The following FAM47E variants were observed in gnomAD, a reference collection of about 807,000 sequenced individuals.
FAM47E encodes the protein family with sequence similarity 47 member E, also known as protein FAM47E.
Under a neutral mutation model 41.6 loss-of-function variants are expected in FAM47E, and 32 were observed. The observed-to-expected ratio is 0.77, with a 90% confidence interval of 0.58 to 1.03. The LOEUF is 1.03. FAM47E is among the 50% of genes least tolerant of loss of function. The pLI, the probability that FAM47E is intolerant of heterozygous loss-of-function variation, is 0.00. For missense variants in FAM47E, 424 were observed against 485.4 expected (o/e 0.87, Z 1.19); for synonymous variants, 184 against 188.7 (o/e 0.98, Z 0.20).
chr4:76,215,526 G>A (rs969889332), intron 1 of FAM47E, among the ~76,000 whole-genome samples: 2 of 152,196 alleles, frequency 1.3e-5, no homozygotes, highest in Non-Finnish European at 2.9e-5. Flanking sequence ...TACTCCTTTC[G>A]TTGAGAGGTG....
intron 2 of FAM47E, among the ~76,000 whole-genome samples, chr4:76,262,528 T>TTTA (rs1175086021): frequency 1.3e-5 from 2 of 152,208 alleles, no homozygotes; most frequent in African/African-American, 4.8e-5. Context: ...GTGTAAAGAC[T>TTTA]TTTATAGAGC....
At chr4:76,275,907 T>G (rs1202540864) in intron 5 of FAM47E, among the ~76,000 whole-genome samples, 1 of 152,138 alleles carries the variant, frequency 6.6e-6, no homozygotes, top group East Asian at 1.9e-4. Flanking sequence ...CAGGGATATT[T>G]GGCAATATCT....
chr4:76,278,180 CA>C lies in FAM47E; in HGVS notation c.983del (p.His328LeufsTer33). On this transcript the variant is annotated frameshift_variant, in exon 6 of 8. Transcript: ENST00000424749. LOFTEE classifies it high-confidence loss of function. ...DEPLVDPEVS[H>X]KAQEENFKKE... ...GCCTCTGGTTGACCCTGAGGTCTCACATAAGGCTCAAGAGGAGAATTTTAAA... is the reference window on the plus strand; with the variant it reads ...GCCTCTGGTTGACCCTGAGGTCTCACTAAGGCTCAAGAGGAGAATTTTAAA... 6.5e-7 allele frequency: 1 copy of C among 1,548,138 alleles called. No homozygotes were observed. Among genetic ancestry groups the C allele is most frequent in the Non-Finnish European group, 8.7e-7 (1 of 1,146,164 alleles).
At position 76,236,065 on chromosome 4, in the gene FAM47E, T is replaced by G. The variant is rs72858548; in HGVS notation, c.81+18377T>G. On this transcript the variant is annotated intron_variant, in intron 2 of 7. Coordinates refer to the FAM47E transcript ENST00000510197. ...ACCAGAGCAAAGTATAACAACTGGT[T>G]TGAATTTTTTACATATCAAAAGTGG... Among the ~76,000 whole-genome samples, 1,444 of 152,326 alleles carry G rather than the reference T, an allele frequency of 9.5e-3. 24 individuals are homozygous for G. Among genetic ancestry groups the G allele is most frequent in the African/African-American group, 0.033 (1,373 of 41,570 alleles).
chr4:76,231,782 A>G (rs1398616513), intron 2 of FAM47E, among the ~76,000 whole-genome samples: 1 of 152,160 alleles, frequency 6.6e-6, no homozygotes, highest in Non-Finnish European at 1.5e-5. Context: ...TCCAAGATAA[A>G]CTTGGAGTTC....
intron 2 of FAM47E, among the ~76,000 whole-genome samples, chr4:76,233,230 G>A (rs1436964159): frequency 2.0e-5 from 3 of 152,016 alleles, no homozygotes; most frequent in Non-Finnish European, 4.4e-5. Flanking sequence ...GCTAACTGCA[G>A]CCAAGTTTTG....
intron 1 of FAM47E, among the ~76,000 whole-genome samples, chr4:76,215,484 T>A (rs1733189177): frequency 6.6e-6 from 1 of 152,232 alleles, no homozygotes; most frequent in Admixed American, 6.5e-5. Context: ...TGAGATAGCA[T>A]GATGGTTTAA....
chr4:76,270,043 A>G (rs1578794860), intron 4 of FAM47E, among the ~76,000 whole-genome samples: 1 of 152,196 alleles, frequency 6.6e-6, no homozygotes, highest in East Asian at 1.9e-4. Flanking sequence ...TTCATTGGCA[A>G]GTGACTTAAA....
intron 2 of FAM47E, among the ~76,000 whole-genome samples, chr4:76,226,184 C>T (rs1300599752): frequency 3.9e-5 from 6 of 152,022 alleles, no homozygotes; most frequent in Non-Finnish European, 7.4e-5. Flanking sequence ...ATGGAGGCTG[C>T]GAAGGCCCTG....
intron 5 of FAM47E, among the ~76,000 whole-genome samples, chr4:76,273,320 G>A (rs768981): frequency 0.67 from 102,018 of 152,060 alleles, 34,499 homozygotes; most frequent in Middle Eastern, 0.73. Context: ...ACTTCAGACC[G>A]TGGTTGACCA....
Position 76,240,774 on chromosome 4 carries a change from T to C in FAM47E, c.82-22930T>C, listed in dbSNP as rs561665108. ...GGTTTCTTTTTAGGTTTTCTCTCTC[T>C]TTATTGATATTTCCATTATGTTCAT... is the stretch of plus-strand genomic sequence containing the variant. On this transcript the variant is annotated intron_variant, in intron 2 of 7. Coordinates refer to the FAM47E transcript ENST00000510197. Among the ~76,000 whole-genome samples, 396 of 152,276 alleles carry C rather than the reference T, an allele frequency of 2.6e-3. 2 individuals are homozygous for C. The highest frequency in any genetic ancestry group is 9.4e-3 in the African/African-American group (391 of 41,568).
chr4:76,276,037 G>GAC (rs796893693), intron 5 of FAM47E, among the ~76,000 whole-genome samples: 3,196 of 62,328 alleles, frequency 0.051, 60 homozygotes, highest in African/African-American at 0.14. Flanking sequence ...CAGACAGACA[G>GAC]ACACACACAC....
At chr4:76,246,968 T>C (rs1237872146), upstream of FAM47E, among the ~76,000 whole-genome samples, 1 of 152,196 alleles carries the variant, frequency 6.6e-6, no homozygotes, top group African/African-American at 2.4e-5. Flanking sequence ...ATGAAATTTG[T>C]AACTTTAACC....
At chr4:76,282,435 C>T (rs1193263203) in intron 7 of FAM47E, 1 of 152,214 alleles carries the variant, frequency 6.6e-6, no homozygotes, top group Admixed American at 6.5e-5. Flanking sequence ...GAGCTATGAA[C>T]ATCTGCTTTT....
At chr4:76,226,219 C>T (rs1733395801) in intron 2 of FAM47E, among the ~76,000 whole-genome samples, 1 of 152,084 alleles carries the variant, frequency 6.6e-6, no homozygotes, top group Admixed American at 6.5e-5. Context: ...ATACTATTTA[C>T]TGGTAATCAA....
chr4:76,216,529 CCTT>C (rs1733210924), intron 1 of FAM47E, among the ~76,000 whole-genome samples: 2 of 152,116 alleles, frequency 1.3e-5, no homozygotes, highest in South Asian at 2.1e-4. Context: ...CATTGAGGTC[CCTT>C]CTTCTCTCTT....
At chr4:76,264,102 G>C (rs1734531403) in intron 3 of FAM47E, among the ~76,000 whole-genome samples, 1 of 152,162 alleles carries the variant, frequency 6.6e-6, no homozygotes. Flanking sequence ...TGCTTGAGGG[G>C]TAGAAACAGT....
At chr4:76,240,427 T>C (rs1294847858) in intron 2 of FAM47E, among the ~76,000 whole-genome samples, 1 of 152,216 alleles carries the variant, frequency 6.6e-6, no homozygotes, top group Admixed American at 6.5e-5. Flanking sequence ...TTTATATTCA[T>C]GTCTTTCATT....
At position 76,245,236 on chromosome 4, in the gene FAM47E, C is replaced by T. The variant is rs1733800289; in HGVS notation, c.82-18468C>T. Among the ~76,000 whole-genome samples, 3 of 152,104 alleles carry T rather than the reference C, an allele frequency of 2.0e-5. No homozygotes were observed. In the South Asian group the frequency reaches 6.2e-4, roughly 31 times the overall value. On this transcript the variant is annotated intron_variant, in intron 2 of 7. Transcript: ENST00000510197. Reference sequence around the variant, plus strand: ...CAGAGTAAAACCAGGAAAACAGAAGCCACTCTAAGTGTGTAAAACTAAGAT... The same window carrying T: ...CAGAGTAAAACCAGGAAAACAGAAGTCACTCTAAGTGTGTAAAACTAAGAT...
Sources: gnomAD v4.1 joint callset for allele counts (sites outside exome capture counted in the v4.1 genomes callset) on GRCh38, gnomAD v4.1.1 for gene constraint, MANE v1.5 for transcripts, NCBI Gene and HGNC (gene_info 2026-07-23, HGNC 2026-07-21) for gene names.